Variants in PAPSS1 observed in about 807,000 individuals in gnomAD.
PAPSS1 encodes bifunctional 3'-phosphoadenosine 5'-phosphosulfate synthase 1.
A neutral mutation model predicts 72.0 loss-of-function variants in PAPSS1; 50 were observed. That is an observed-to-expected ratio of 0.69 (90% CI 0.55 to 0.88). The LOEUF (loss-of-function observed/expected upper bound fraction) is 0.88, where lower values mean the gene tolerates loss of function less well. PAPSS1 is among the 40% of genes least tolerant of loss of function. The pLI, the probability that PAPSS1 is intolerant of heterozygous loss-of-function variation, is 0.00. For missense variants in PAPSS1, 657 were observed against 782.2 expected, an observed-to-expected ratio of 0.84 and a Z score of 1.91; for synonymous variants, 261 against 263.6, an observed-to-expected ratio of 0.99 and a Z score of 0.09.
At chr4:107,646,053 G>A (rs1175189002) in intron 9 of PAPSS1, among the ~76,000 whole-genome samples, 2 of 152,048 alleles carry the variant, frequency 1.3e-5, no homozygotes, top group Non-Finnish European at 2.9e-5. Context: ...AGTTCCTCAC[G>A]TTACCTTTAT....
At chr4:107,636,503 C>T (rs182917318) in intron 10 of PAPSS1, among the ~76,000 whole-genome samples, 28 of 152,158 alleles carry the variant, frequency 1.8e-4, no homozygotes, top group Admixed American at 1.6e-3. Context: ...ACAGCAGAAG[C>T]GTGCAACTCA....
chr4:107,698,390 G>A (rs993741081), intron 2 of PAPSS1, among the ~76,000 whole-genome samples: 4 of 152,176 alleles, frequency 2.6e-5, no homozygotes, highest in African/African-American at 9.7e-5. Context: ...GCACACATCA[G>A]GTGAATACAT....
intron 2 of PAPSS1, 119 bp from the exon 3 acceptor site, chr4:107,694,125 G>C (rs2125933695): frequency 2.9e-6 from 2 of 692,256 alleles, no homozygotes; most frequent in Non-Finnish European, 4.9e-6. Flanking sequence ...GGAGTGCAGA[G>C]GCTGCATAGC....
rs183775654 is a variant in PAPSS1, at chr4:107,708,815, T to C, written c.61-7530A>G. Among the ~76,000 whole-genome samples, 36 of 152,348 alleles carry C rather than the reference T, an allele frequency of 2.4e-4. No homozygotes were observed. The East Asian group carries it at 6.6e-3, about 28-fold the overall frequency. ...TCAAGTTAAGCCTAAAGCTACCTCTTTTACATATTTTAAGTTCAGCCTAAA... is the reference window on the plus strand; with the variant it reads ...TCAAGTTAAGCCTAAAGCTACCTCTCTTACATATTTTAAGTTCAGCCTAAA... On this transcript the variant is annotated intron_variant, in intron 1 of 11. Transcript: ENST00000265174.
intron 1 of PAPSS1, chr4:107,718,355 C>CA (rs1403096811): frequency 6.6e-6 from 1 of 152,148 alleles, no homozygotes; most frequent in Non-Finnish European, 1.5e-5. Context: ...CACTTCCCAA[C>CA]AAAAACTCTC....
intron 1 of PAPSS1, among the ~76,000 whole-genome samples, chr4:107,715,028 G>GA (rs148223186): frequency 9.4e-5 from 14 of 148,626 alleles, no homozygotes; most frequent in Non-Finnish European, 1.5e-4. Flanking sequence ...CAGATAAGTA[G>GA]AAAAAAAAAA....
intron 1 of PAPSS1, among the ~76,000 whole-genome samples, chr4:107,702,026 C>T (rs1453459174): frequency 6.8e-6 from 1 of 147,034 alleles, no homozygotes; most frequent in Non-Finnish European, 1.5e-5. Flanking sequence ...AGTATCTGAA[C>T]AGGCTTTCCT....
intron 10 of PAPSS1, among the ~76,000 whole-genome samples, chr4:107,642,107 T>A (rs967351129): frequency 6.6e-6 from 1 of 152,150 alleles, no homozygotes; most frequent in Non-Finnish European, 1.5e-5. Flanking sequence ...CCCACAACTC[T>A]AGGCTCTGAT....
At chr4:107,672,770 A>T (rs1004996461) in intron 5 of PAPSS1, among the ~76,000 whole-genome samples, 1 of 152,214 alleles carries the variant, frequency 6.6e-6, no homozygotes, top group Non-Finnish European at 1.5e-5. Flanking sequence ...GACTGCCTCA[A>T]GTGGGTCCCT....
chr4:107,710,202 T>C (rs1335753079), intron 1 of PAPSS1, among the ~76,000 whole-genome samples: 1 of 152,044 alleles, frequency 6.6e-6, no homozygotes, highest in Non-Finnish European at 1.5e-5. Flanking sequence ...GGGTTGGAAT[T>C]TTTTTTTAAA....
At chr4:107,694,194 A>G (rs1560587806) in intron 2 of PAPSS1, 188 bp from the exon 3 acceptor site, 3 of 554,302 alleles carry the variant, frequency 5.4e-6, no homozygotes, top group Non-Finnish European at 9.6e-6. Flanking sequence ...CCAAATAGCT[A>G]GGACAACAGG....
chr4:107,696,163 G>C (rs1723057219), intron 2 of PAPSS1, among the ~76,000 whole-genome samples: 1 of 152,164 alleles, frequency 6.6e-6, no homozygotes, highest in Non-Finnish European at 1.5e-5. Flanking sequence ...AGACAGTGTG[G>C]TGCTTCCTCA....
Position 107,614,029 on chromosome 4 carries a change from T to C in PAPSS1, c.*220A>G, listed in dbSNP as rs977347780. ...ATTTTAAAATTGTATTGTAGGAATA[T>C]AACTATAATAAGTGGAAAAGATACA... On this transcript the variant is annotated 3_prime_UTR_variant, in exon 12 of 12. Coordinates refer to ENST00000265174, the MANE Select transcript of PAPSS1 (RefSeq NM_005443.5). 1 of 372,802 alleles carries C rather than the reference T, an allele frequency of 2.7e-6. No homozygotes were observed. 23.1% of individuals were successfully genotyped at this position (372,802 alleles called of 1,614,324 possible).
intron 4 of PAPSS1, among the ~76,000 whole-genome samples, chr4:107,682,604 G>A (rs1162551938): frequency 6.6e-6 from 1 of 152,106 alleles, no homozygotes; most frequent in Non-Finnish European, 1.5e-5. Context: ...TACTACTTTT[G>A]TCACCTTTTT....
rs1578422524 is a variant in PAPSS1 at position 107,686,985 on chromosome 4, A to T, written c.550+54T>A. On this transcript the variant is annotated intron_variant, in intron 4 of 11. Coordinates refer to ENST00000265174, the MANE Select transcript of PAPSS1 (RefSeq NM_005443.5). Reference sequence around the variant, plus strand: ...CTCTTAGAAAATATCAATCCTAGATATGGGAACATAAAATATCTAAGCAAA... The same window carrying T: ...CTCTTAGAAAATATCAATCCTAGATTTGGGAACATAAAATATCTAAGCAAA... 4 of 1,492,476 alleles carry T rather than the reference A, an allele frequency of 2.7e-6. No individual in the cohort carries two copies. The East Asian group carries it at 9.2e-5, about 34-fold the overall frequency. The allele number at this position is 1,492,476 out of a possible 1,614,324, so 92.5% of individuals were successfully genotyped here. A position where few individuals can be genotyped will look rare whatever the true frequency, so the allele number is the denominator to read the frequency against.
At chr4:107,715,173 T>G (rs1180380720) in intron 1 of PAPSS1, among the ~76,000 whole-genome samples, 1 of 152,236 alleles carries the variant, frequency 6.6e-6, no homozygotes, top group Non-Finnish European at 1.5e-5. Context: ...ACGTGGTTAC[T>G]GCAACTAACA....
At chr4:107,694,952 A>T (rs534839121) in intron 2 of PAPSS1, among the ~76,000 whole-genome samples, 1 of 8,476 alleles carries the variant, frequency 1.2e-4, no homozygotes, top group African/African-American at 1.4e-4. Context: ...TAACTGGAAT[A>T]AAAAAAAAAA....
intron 11 of PAPSS1, among the ~76,000 whole-genome samples, chr4:107,622,122 C>G (rs1286894488): frequency 1.3e-5 from 2 of 152,088 alleles, no homozygotes; most frequent in Non-Finnish European, 2.9e-5. Context: ...GTGGTCAAAC[C>G]CCATCAGGGC....
intron 5 of PAPSS1, among the ~76,000 whole-genome samples, chr4:107,678,246 T>TTAAA (rs1553920919): frequency 6.6e-6 from 1 of 151,218 alleles, no homozygotes; most frequent in Non-Finnish European, 1.5e-5. Context: ...ATAAAAAAAA[T>TTAAA]AAGAGATGGA....
Sources: allele counts gnomAD v4.1 joint callset (sites outside exome capture counted in the v4.1 genomes callset), GRCh38; gene constraint gnomAD v4.1.1; transcripts MANE v1.5; gene names NCBI Gene and HGNC (gene_info 2026-07-23, HGNC 2026-07-21).